The following SH3PXD2A variants were observed in gnomAD, a reference collection of about 807,000 sequenced individuals.
SH3PXD2A encodes the protein SH3 and PX domain-containing protein 2A.
Under a neutral mutation model 115.2 loss-of-function variants are expected in SH3PXD2A, and 32 were observed. That is an observed-to-expected ratio of 0.28 (90% CI 0.21 to 0.37). The LOEUF (loss-of-function observed/expected upper bound fraction) is 0.37. Ranked by LOEUF, SH3PXD2A falls within the 10% of genes least tolerant of loss-of-function variation. The probability of loss-of-function intolerance (pLI) is 1.00; values close to 1 mark genes in which losing one functional copy is unlikely to be tolerated. For missense variants in SH3PXD2A, 1,328 were observed against 1,498.7 expected, an observed-to-expected ratio of 0.89 and a Z score of 1.88; for synonymous variants, 610 against 629.1, an observed-to-expected ratio of 0.97 and a Z score of 0.45.
rs1337068603 is a variant in SH3PXD2A, at chr10:103,594,900, C to T, written c.*6916G>A. 1 of 152,214 alleles carries T rather than the reference C, an allele frequency of 6.6e-6. No homozygotes were observed. Among genetic ancestry groups the T allele is most frequent in the Non-Finnish European group, 1.5e-5 (1 of 68,048 alleles). The allele number at this position is 152,214 out of a possible 1,614,324, so 9.4% of individuals were successfully genotyped here. On this transcript the variant is annotated 3_prime_UTR_variant, in exon 15 of 15. Coordinates refer to ENST00000369774, the MANE Select transcript of SH3PXD2A (RefSeq NM_001394015.1). Reference sequence around the variant, plus strand: ...CCAACAAGACGACAAAGGAGGTTGCCTTCCTCCCAGATGTGCCCAATGGAG... The same window carrying T: ...CCAACAAGACGACAAAGGAGGTTGCTTTCCTCCCAGATGTGCCCAATGGAG...
intron 4 of SH3PXD2A, among the ~76,000 whole-genome samples, chr10:103,726,178 C>T (rs2038238937): frequency 6.6e-6 from 1 of 152,200 alleles, no homozygotes; most frequent in African/African-American, 2.4e-5. Flanking sequence ...TCAACAAACA[C>T]AGGGTTTGTG....
chr10:103,736,825 C>T, intron 3 of SH3PXD2A: 1 of 1,282,002 alleles, frequency 7.8e-7, no homozygotes, highest in East Asian at 5.6e-5. Flanking sequence ...ACCTAATTTC[C>T]CCCTGGAGAA....
intron 5 of SH3PXD2A, among the ~76,000 whole-genome samples, chr10:103,716,012 C>T (rs372440439): frequency 2.6e-4 from 39 of 152,316 alleles, no homozygotes; most frequent in Middle Eastern, 3.4e-3. Flanking sequence ...AACAACCATC[C>T]CCAAAATATA....
At chr10:103,618,068 G>T (rs1404933674) in intron 10 of SH3PXD2A, among the ~76,000 whole-genome samples, 1 of 152,218 alleles carries the variant, frequency 6.6e-6, no homozygotes, top group Non-Finnish European at 1.5e-5. Flanking sequence ...TGCCAACCAC[G>T]CAGCCGAGGC....
rs1842930978 is a variant in SH3PXD2A at position 103,855,323 on chromosome 10, G to T, written c.-57C>A. On this transcript the variant is annotated 5_prime_UTR_variant, in exon 1 of 15. Coordinates refer to ENST00000369774, the MANE Select transcript of SH3PXD2A (RefSeq NM_001394015.1). ...GGCGTCACCTTCTCATCCCGGCCGG[G>T]CTCCGGCTCCTTCTCCAGCTGCCGG... 2 of 1,369,976 alleles carry T rather than the reference G, an allele frequency of 1.5e-6. No individual in the cohort carries two copies. The highest frequency in any genetic ancestry group is 2.0e-6 in the Non-Finnish European group (2 of 1,013,900). 84.9% of individuals were successfully genotyped at this position (1,369,976 alleles called of 1,614,324 possible).
At chr10:103,727,173 G>A (rs986206075) in intron 4 of SH3PXD2A, among the ~76,000 whole-genome samples, 3 of 152,138 alleles carry the variant, frequency 2.0e-5, no homozygotes, top group African/African-American at 4.8e-5. Context: ...CTCCACATAC[G>A]ATGGGGACAC....
At chr10:103,826,059 G>A (rs1275361498) in intron 1 of SH3PXD2A, among the ~76,000 whole-genome samples, 2 of 152,038 alleles carry the variant, frequency 1.3e-5, no homozygotes, top group South Asian at 2.1e-4. Context: ...CACCGTGCAC[G>A]GCCAATTATT....
intron 4 of SH3PXD2A, among the ~76,000 whole-genome samples, chr10:103,726,104 G>A (rs2038238209): frequency 6.6e-6 from 1 of 152,198 alleles, no homozygotes; most frequent in Non-Finnish European, 1.5e-5. Flanking sequence ...CAGAGCTGAG[G>A]GACGGGGACA....
intron 12 of SH3PXD2A, 57 bp downstream of exon 12, chr10:103,612,796 A>C: frequency 7.6e-7 from 1 of 1,309,410 alleles, no homozygotes; most frequent in Middle Eastern, 2.4e-4. Context: ...CACGGCACCC[A>C]TGCCCATTCT....
intron 1 of SH3PXD2A, among the ~76,000 whole-genome samples, chr10:103,842,206 C>A (rs967258518): frequency 2.4e-4 from 9 of 37,870 alleles, no homozygotes; most frequent in East Asian, 3.2e-3. Context: ...GTTTTCCCTA[C>A]GCCATTCAAC....
chr10:103,825,877 C>T (rs2039425588), intron 1 of SH3PXD2A, among the ~76,000 whole-genome samples: 1 of 151,374 alleles, frequency 6.6e-6, no homozygotes, highest in South Asian at 2.1e-4. Context: ...CATTCTCCTG[C>T]CTCAGCCTCC....
intron 3 of SH3PXD2A, among the ~76,000 whole-genome samples, chr10:103,742,667 C>T (rs573585525): frequency 6.6e-6 from 1 of 152,312 alleles, no homozygotes; most frequent in East Asian, 1.9e-4. Flanking sequence ...TTTCTATACT[C>T]CCTGAATCCC....
intron 5 of SH3PXD2A, among the ~76,000 whole-genome samples, chr10:103,718,296 C>T (rs1002629317): frequency 5.3e-5 from 8 of 152,184 alleles, no homozygotes; most frequent in African/African-American, 1.9e-4. Context: ...GGATTACAGG[C>T]ATAAGCCACC....
At chr10:103,766,876 A>G (rs1243727026) in intron 3 of SH3PXD2A, among the ~76,000 whole-genome samples, 2 of 152,226 alleles carry the variant, frequency 1.3e-5, no homozygotes, top group Non-Finnish European at 2.9e-5. Flanking sequence ...ACAGGCCAGG[A>G]GCCAGCAGAG....
At position 103,600,403 on chromosome 10, in the gene SH3PXD2A, C is replaced by T. The variant is rs1360374410; in HGVS notation, c.*1413G>A. On this transcript the variant is annotated 3_prime_UTR_variant, in exon 15 of 15. Transcript: ENST00000369774. ...CACAGGGATCCTCCATCTTCTTGGGCACCTGTGGCATTGCCAGCAGGCCAG... is the reference window on the plus strand; with the variant it reads ...CACAGGGATCCTCCATCTTCTTGGGTACCTGTGGCATTGCCAGCAGGCCAG... The T allele has an allele frequency of 2.0e-5, 3 of 152,302 alleles. No individual in the cohort carries two copies. The East Asian group carries it at 5.8e-4, about 29-fold the overall frequency. The allele number at this position is 152,302 out of a possible 1,614,324, so 9.4% of individuals were successfully genotyped here.
intron 1 of SH3PXD2A, among the ~76,000 whole-genome samples, chr10:103,824,039 C>T (rs1032469697): frequency 7.2e-5 from 11 of 152,198 alleles, no homozygotes; most frequent in Non-Finnish European, 1.5e-4. Flanking sequence ...CTCCCCAACC[C>T]CTGGGAGGAA....
intron 1 of SH3PXD2A, among the ~76,000 whole-genome samples, chr10:103,835,811 A>C (rs1184291211): frequency 1.3e-5 from 2 of 152,150 alleles, no homozygotes; most frequent in Non-Finnish European, 2.9e-5. Flanking sequence ...CAGGCCTCAG[A>C]GCCTTCTGCT....
At chr10:103,674,917 A>T (rs1458568538) in intron 6 of SH3PXD2A, among the ~76,000 whole-genome samples, 3 of 152,248 alleles carry the variant, frequency 2.0e-5, no homozygotes, top group Non-Finnish European at 4.4e-5. Context: ...CAAATAGTTC[A>T]GGTATGACTT....
At chr10:103,643,828 C>G (rs988073871) in intron 8 of SH3PXD2A, among the ~76,000 whole-genome samples, 1 of 152,114 alleles carries the variant, frequency 6.6e-6, no homozygotes, top group Admixed American at 6.5e-5. Flanking sequence ...ATCTGCAGAC[C>G]AGGCCAGGCG....
Sources: allele counts gnomAD v4.1 joint callset (sites outside exome capture counted in the v4.1 genomes callset), GRCh38; gene constraint gnomAD v4.1.1; transcripts MANE v1.5; gene names NCBI Gene and HGNC (gene_info 2026-07-23, HGNC 2026-07-21).